Variants in GRID2 observed in about 807,000 individuals in gnomAD.
GRID2 encodes the protein glutamate ionotropic receptor delta type subunit 2.
Under a neutral mutation model 114.8 loss-of-function variants are expected in GRID2, and 33 were observed. The ratio of observed to expected loss-of-function variants is 0.29; its 90% CI spans 0.22 to 0.38. The LOEUF is 0.38. Ranked by LOEUF, GRID2 falls within the 10% of genes least tolerant of loss-of-function variation. The pLI is 1.00. For synonymous variants in GRID2, 505 were observed against 449.9 expected (o/e 1.12, Z -1.55); for missense variants, 1,184 against 1,257.7 (o/e 0.94, Z 0.89).
At chr4:93,427,631 A>G (rs967583479) in intron 10 of GRID2, among the ~76,000 whole-genome samples, 2 of 152,030 alleles carry the variant, frequency 1.3e-5, no homozygotes, top group Non-Finnish European at 1.5e-5. Flanking sequence ...ATCTCATGTT[A>G]GAGAGCTTTC....
chr4:92,478,622 C>A (rs568566921), intron 1 of GRID2, among the ~76,000 whole-genome samples: 1 of 151,998 alleles, frequency 6.6e-6, no homozygotes, highest in African/African-American at 2.4e-5. Context: ...CCTTAATTGC[C>A]AAAGCAAAAG....
intron 1 of GRID2, among the ~76,000 whole-genome samples, chr4:92,515,183 A>G (rs893050707): frequency 2.6e-5 from 4 of 151,990 alleles, no homozygotes; most frequent in East Asian, 2.0e-4. Context: ...TGATTCCACT[A>G]TGAGAATGAG....
chr4:93,095,412 A>G (rs1194533280), intron 3 of GRID2, among the ~76,000 whole-genome samples: 1 of 152,066 alleles, frequency 6.6e-6, no homozygotes, highest in Non-Finnish European at 1.5e-5. Context: ...AGAAATTAAA[A>G]AGAATACATA....
At chr4:93,699,964 G>A (rs1423222493) in intron 14 of GRID2, among the ~76,000 whole-genome samples, 1 of 152,096 alleles carries the variant, frequency 6.6e-6, no homozygotes, top group African/African-American at 2.4e-5. Flanking sequence ...CTTCTGAAAT[G>A]TGGGTTCTCA....
chr4:93,031,631 T>A (rs1383659088), intron 2 of GRID2, among the ~76,000 whole-genome samples: 1 of 152,066 alleles, frequency 6.6e-6, no homozygotes, highest in Non-Finnish European at 1.5e-5. Flanking sequence ...TAAGGGGGAA[T>A]TTCCCCACAC....
chr4:93,688,283 C>A, intron 14 of GRID2, among the ~76,000 whole-genome samples: 1 of 151,894 alleles, frequency 6.6e-6, no homozygotes, highest in East Asian at 1.9e-4. Flanking sequence ...AGGCACTCAT[C>A]TTCAGGTGTT....
chr4:92,932,952 G>A (rs997131936), intron 2 of GRID2, among the ~76,000 whole-genome samples: 1 of 151,116 alleles, frequency 6.6e-6, no homozygotes, highest in Non-Finnish European at 1.5e-5. Context: ...GAAAAGGAGT[G>A]TATGGGAAAT....
At chr4:93,226,685 C>G (rs1443232463) in intron 7 of GRID2, among the ~76,000 whole-genome samples, 1 of 151,964 alleles carries the variant, frequency 6.6e-6, no homozygotes, top group African/African-American at 2.4e-5. Context: ...AGTCATTGCC[C>G]TAGTGGAAAC....
chr4:93,087,411 T>A (rs1437456654), intron 3 of GRID2, among the ~76,000 whole-genome samples: 1 of 152,144 alleles, frequency 6.6e-6, no homozygotes, highest in Non-Finnish European at 1.5e-5. Context: ...AGAAAATTCC[T>A]TGTTAGTTTG....
At chr4:93,283,077 G>T (rs1752813464) in intron 8 of GRID2, among the ~76,000 whole-genome samples, 1 of 152,030 alleles carries the variant, frequency 6.6e-6, no homozygotes, top group Non-Finnish European at 1.5e-5. Flanking sequence ...ATGAGATTTG[G>T]AAGGAATAAA....
At chr4:93,535,231 T>TAC (rs141785727) in intron 13 of GRID2, among the ~76,000 whole-genome samples, 5,151 of 142,182 alleles carry the variant, frequency 0.036, 86 homozygotes, top group South Asian at 0.047. Context: ...CACATACACA[T>TAC]ACACACACAC....
At chr4:92,455,150 G>A (rs1183958013) in intron 1 of GRID2, among the ~76,000 whole-genome samples, 1 of 151,998 alleles carries the variant, frequency 6.6e-6, no homozygotes, top group Non-Finnish European at 1.5e-5. Flanking sequence ...TCTTTGAAAG[G>A]CACTAGAATT....
chr4:92,625,776 A>G (rs181481523), intron 2 of GRID2, among the ~76,000 whole-genome samples: 113 of 152,108 alleles, frequency 7.4e-4, no homozygotes, highest in African/African-American at 2.5e-3. Context: ...TTATTGTAAA[A>G]TTGCGACTGT....
At chr4:92,922,313 C>G (rs1039794093) in intron 2 of GRID2, among the ~76,000 whole-genome samples, 2 of 152,122 alleles carry the variant, frequency 1.3e-5, no homozygotes, top group Admixed American at 6.6e-5. Flanking sequence ...CAATGACTCA[C>G]CCTGCTTCGG....
At chr4:92,491,040 T>C (rs1320032251) in intron 1 of GRID2, among the ~76,000 whole-genome samples, 1 of 152,198 alleles carries the variant, frequency 6.6e-6, no homozygotes, top group Non-Finnish European at 1.5e-5. Context: ...TGTTTACTTA[T>C]AATTTCTCCC....
chr4:93,383,720 C>T (rs1240347390), intron 8 of GRID2, among the ~76,000 whole-genome samples: 2 of 152,090 alleles, frequency 1.3e-5, no homozygotes, highest in Non-Finnish European at 2.9e-5. Context: ...GATGCCACTA[C>T]CCCCTACACA....
intron 11 of GRID2, among the ~76,000 whole-genome samples, chr4:93,462,787 T>G (rs1723871764): frequency 6.6e-6 from 1 of 152,190 alleles, no homozygotes; most frequent in Non-Finnish European, 1.5e-5. Flanking sequence ...TCTCAAAGGA[T>G]TCAAGCCTTG....
chr4:92,344,545 G>C (rs1579211953), intron 1 of GRID2, among the ~76,000 whole-genome samples: 1 of 152,114 alleles, frequency 6.6e-6, no homozygotes, highest in Non-Finnish European at 1.5e-5. Context: ...TCTGTGATTT[G>C]GGCAGTGCTC....
intron 1 of GRID2, among the ~76,000 whole-genome samples, chr4:92,471,793 G>A (rs563170366): frequency 1.3e-5 from 2 of 151,968 alleles, no homozygotes; most frequent in African/African-American, 2.4e-5. Flanking sequence ...CCAGGAAAAC[G>A]TGGTTTTTTT....
Sources: gnomAD v4.1 joint callset for allele counts (sites outside exome capture counted in the v4.1 genomes callset) on GRCh38, gnomAD v4.1.1 for gene constraint, MANE v1.5 for transcripts, NCBI Gene and HGNC (gene_info 2026-07-23, HGNC 2026-07-21) for gene names.